The following ZBBX variants were observed in gnomAD, a reference collection of about 807,000 sequenced individuals.
ZBBX encodes zinc finger B-box domain containing, also known as zinc finger B-box domain-containing protein 1.
A neutral mutation model predicts 108.5 loss-of-function variants in ZBBX; 101 were observed. The ratio of observed to expected loss-of-function variants is 0.93; its 90% CI spans 0.79 to 1.10. The LOEUF (loss-of-function observed/expected upper bound fraction) is 1.10, where lower values mean the gene tolerates loss of function less well. ZBBX is among the 50% of genes least tolerant of loss of function. The probability of loss-of-function intolerance (pLI) is 0.00; values close to 1 mark genes in which losing one functional copy is unlikely to be tolerated. For synonymous variants in ZBBX, 356 were observed against 323.4 expected, an observed-to-expected ratio of 1.10 and a Z score of -1.08; for missense variants, 1,009 against 941.4, an observed-to-expected ratio of 1.07 and a Z score of -0.94.
chr3:167,205,165 A>G, the ZBBX span, among the ~76,000 whole-genome samples: 3 of 152,038 alleles, frequency 2.0e-5, no homozygotes, highest in African/African-American at 7.2e-5. Flanking sequence ...GTGCAATTTG[A>G]CCCCTCATTA....
chr3:167,331,117 T>C (rs993864065), intron 10 of ZBBX, among the ~76,000 whole-genome samples: 2 of 151,946 alleles, frequency 1.3e-5, no homozygotes, highest in African/African-American at 2.4e-5. Flanking sequence ...TACAGAACAG[T>C]AGAAAATAAA....
At chr3:167,212,211 G>A in the ZBBX span, among the ~76,000 whole-genome samples, 3 of 152,126 alleles carry the variant, frequency 2.0e-5, no homozygotes, top group African/African-American at 7.2e-5. Context: ...CTAAGGACTG[G>A]AGGTGGTCCC....
intron 16 of ZBBX, 105 bp downstream of exon 16, chr3:167,313,869 T>G: frequency 9.4e-7 from 1 of 1,061,348 alleles, no homozygotes; most frequent in Admixed American, 2.9e-5. Flanking sequence ...AGTACTGAGG[T>G]TTTTTTGGTT....
At chr3:167,402,606 T>A (rs1336990731) in intron 1 of ZBBX, among the ~76,000 whole-genome samples, 3 of 151,498 alleles carry the variant, frequency 2.0e-5, no homozygotes, top group East Asian at 3.9e-4. Context: ...GGGAAAAAAA[T>A]CACCAAAAGC....
the ZBBX span, among the ~76,000 whole-genome samples, chr3:167,209,819 A>G: frequency 2.6e-5 from 4 of 152,102 alleles, no homozygotes; most frequent in African/African-American, 4.8e-5. Flanking sequence ...GCTGGGAGTG[A>G]TGGCTCACAC....
intron 21 of ZBBX, 148 bp from the exon 22 acceptor site, chr3:167,241,067 T>C (rs571556845): frequency 3.9e-6 from 3 of 762,074 alleles, no homozygotes; most frequent in East Asian, 3.0e-5. Flanking sequence ...TAATTTTCAA[T>C]GTGCCCAATA....
chr3:167,396,108 G>A (rs1748228701), intron 1 of ZBBX, among the ~76,000 whole-genome samples: 1 of 151,910 alleles, frequency 6.6e-6, no homozygotes, highest in Non-Finnish European at 1.5e-5. Context: ...TCTAATCCAT[G>A]CAAAAATACA....
At chr3:167,285,313 A>G (rs573579209) in intron 19 of ZBBX, among the ~76,000 whole-genome samples, 1 of 152,236 alleles carries the variant, frequency 6.6e-6, no homozygotes, top group South Asian at 2.1e-4. Context: ...AAATGTAACT[A>G]TAGCAACATA....
In ZBBX at chr3:167,396,414, G is replaced by A. The variant is rs185176199; in HGVS notation, c.-446+11312C>T. ...GCACACTTCAGTGGCACATAGGATGGCACAGAATGTAGCTCCTGTAGCCAT... is the reference window on the plus strand; with the variant it reads ...GCACACTTCAGTGGCACATAGGATGACACAGAATGTAGCTCCTGTAGCCAT... On this transcript the variant is annotated intron_variant, in intron 1 of 21. Transcript: ENST00000455345. Among the ~76,000 whole-genome samples, 56 of 152,128 alleles carry A rather than the reference G, an allele frequency of 3.7e-4. 1 individual carries two copies. The highest frequency in any genetic ancestry group is 1.3e-3 in the African/African-American group (55 of 41,524).
intron 1 of ZBBX, among the ~76,000 whole-genome samples, chr3:167,392,597 C>T (rs564910556): frequency 2.6e-5 from 4 of 151,880 alleles, no homozygotes; most frequent in African/African-American, 4.8e-5. Context: ...ATGGCTTCAG[C>T]GTATATCCCA....
At chr3:167,264,161 C>T (rs1439165158) in intron 20 of ZBBX, among the ~76,000 whole-genome samples, 1 of 152,154 alleles carries the variant, frequency 6.6e-6, no homozygotes, top group Non-Finnish European at 1.5e-5. Flanking sequence ...TCCATCCATT[C>T]AGCCATTCTG....
rs1394192217 is a variant in ZBBX at position 167,297,920 on chromosome 3, T to C, written c.1879+385A>G. 2.0e-5 allele frequency among the ~76,000 whole-genome samples: 3 copies of C among 151,934 alleles called. No individual in the cohort carries two copies. In the East Asian group the frequency reaches 5.8e-4, roughly 29 times the overall value. On this transcript the variant is annotated intron_variant, in intron 18 of 21. Transcript: ENST00000675490. Reference sequence around the variant, plus strand: ...AACAAGTATTGTCAAGAATATGTAATAATCGGAACATTTGTGCCCTGTTGG... The same window carrying C: ...AACAAGTATTGTCAAGAATATGTAACAATCGGAACATTTGTGCCCTGTTGG...
the ZBBX span, among the ~76,000 whole-genome samples, chr3:167,216,459 C>T: frequency 3.3e-5 from 5 of 151,858 alleles, no homozygotes; most frequent in African/African-American, 1.2e-4. Context: ...AAACACTACT[C>T]AAAGAAATCA....
intron 20 of ZBBX, among the ~76,000 whole-genome samples, chr3:167,281,783 A>G (rs1387095405): frequency 6.6e-6 from 1 of 152,198 alleles, no homozygotes; most frequent in Non-Finnish European, 1.5e-5. Flanking sequence ...GACATACTCA[A>G]TCAGAATTTT....
chr3:167,307,514 C>T (rs1400114536), intron 16 of ZBBX, among the ~76,000 whole-genome samples: 1 of 152,168 alleles, frequency 6.6e-6, no homozygotes, highest in East Asian at 1.9e-4. Flanking sequence ...ATAGCTAAGG[C>T]AATCCTAAGC....
At chr3:167,317,208 A>G (rs2108295459) in intron 13 of ZBBX, 103 bp from the exon 14 acceptor site, 2 of 743,310 alleles carry the variant, frequency 2.7e-6, no homozygotes, top group South Asian at 2.2e-5. Flanking sequence ...TCTCATGTGT[A>G]TCTACACAAA....
chr3:167,313,430 C>G (rs941842296), intron 16 of ZBBX, among the ~76,000 whole-genome samples: 1 of 152,004 alleles, frequency 6.6e-6, no homozygotes, highest in Non-Finnish European at 1.5e-5. Context: ...CACCTGCCAC[C>G]ATGCCAGGCT....
chr3:167,393,447 A>G (rs1196144813), intron 1 of ZBBX, among the ~76,000 whole-genome samples: 1 of 151,812 alleles, frequency 6.6e-6, no homozygotes, highest in Non-Finnish European at 1.5e-5. Flanking sequence ...TTTTATCATG[A>G]TCTTGCTTAT....
chr3:167,279,315 T>C (rs1728315153), intron 20 of ZBBX, among the ~76,000 whole-genome samples: 1 of 151,404 alleles, frequency 6.6e-6, no homozygotes, highest in African/African-American at 2.4e-5. Flanking sequence ...TTGTCCCTGT[T>C]TGCAGACGAC....
Sources: allele counts gnomAD v4.1 joint callset (sites outside exome capture counted in the v4.1 genomes callset), GRCh38; gene constraint gnomAD v4.1.1; transcripts MANE v1.5; gene names NCBI Gene and HGNC (gene_info 2026-07-23, HGNC 2026-07-21).